The following CYSLTR2 variants were observed in gnomAD, a reference collection of about 807,000 sequenced individuals.
CYSLTR2 encodes the protein cysteinyl leukotriene receptor 2.
For missense variants in CYSLTR2, 398 were observed against 411.9 expected (o/e 0.97, Z 0.29); for synonymous variants, 179 against 160.8 (o/e 1.11, Z -0.86).
rs1954582103 is a variant in CYSLTR2, at chr13:48,709,333, G to A, written c.*1475G>A. 1 of 167,046 alleles carries A rather than the reference G, an allele frequency of 6.0e-6. No individual in the cohort carries two copies. The highest frequency in any genetic ancestry group is 2.1e-4 in the South Asian group (1 of 4,822). 10.3% of individuals were successfully genotyped at this position (167,046 alleles called of 1,614,324 possible). ...AGGTGATATGGCATTCTGAAAGTAG[G>A]GAGGGACTAAGTCAGTCATCATACT... On this transcript the variant is annotated 3_prime_UTR_variant, in exon 5 of 5. Coordinates refer to ENST00000682523, the MANE Select transcript of CYSLTR2 (RefSeq NM_001308476.3).
chr13:48,660,821 C>T (rs1207822204), intron 1 of CYSLTR2, among the ~76,000 whole-genome samples: 1 of 152,204 alleles, frequency 6.6e-6, no homozygotes, highest in Non-Finnish European at 1.5e-5. Flanking sequence ...CAAGAGTAAA[C>T]TCTCAGTGAT....
intron 4 of CYSLTR2, among the ~76,000 whole-genome samples, chr13:48,699,948 A>T (rs1954296672): frequency 6.6e-6 from 1 of 152,134 alleles, no homozygotes; most frequent in Non-Finnish European, 1.5e-5. Flanking sequence ...GGACACATAT[A>T]CCCTCCCAAG....
At chr13:48,680,418 C>T (rs573936011) in intron 1 of CYSLTR2, among the ~76,000 whole-genome samples, 3 of 152,316 alleles carry the variant, frequency 2.0e-5, no homozygotes, top group Admixed American at 1.3e-4. Flanking sequence ...TAAGCATCGA[C>T]GTAAGCTATT....
intron 1 of CYSLTR2, among the ~76,000 whole-genome samples, chr13:48,662,711 G>A (rs1953161649): frequency 6.6e-6 from 1 of 152,022 alleles, no homozygotes; most frequent in African/African-American, 2.4e-5. Flanking sequence ...ATATTTTGCT[G>A]TTGAGATGTT....
At chr13:48,701,815 A>T (rs1259735477) in intron 4 of CYSLTR2, among the ~76,000 whole-genome samples, 1 of 152,256 alleles carries the variant, frequency 6.6e-6, no homozygotes, top group Non-Finnish European at 1.5e-5. Context: ...TGTTGGTGGG[A>T]CTGTAAACTA....
intron 1 of CYSLTR2, among the ~76,000 whole-genome samples, chr13:48,689,036 G>T (rs1411581715): frequency 1.3e-5 from 2 of 152,130 alleles, no homozygotes. Context: ...TCATATGTTT[G>T]TTGGCCGCAT....
chr13:48,692,163 G>T (rs148355911), intron 2 of CYSLTR2, among the ~76,000 whole-genome samples: 461 of 151,998 alleles, frequency 3.0e-3, no homozygotes, highest in Non-Finnish European at 5.8e-3. Flanking sequence ...CTAGGGTCCA[G>T]AAATAATTAT....
At chr13:48,657,009 A>G (rs1243096369) in intron 1 of CYSLTR2, among the ~76,000 whole-genome samples, 7 of 152,242 alleles carry the variant, frequency 4.6e-5, no homozygotes. Flanking sequence ...ACTTATGTAC[A>G]GTATGTTCTA....
chr13:48,700,187 G>C (rs1954302326), intron 4 of CYSLTR2, among the ~76,000 whole-genome samples: 2 of 152,202 alleles, frequency 1.3e-5, no homozygotes, highest in South Asian at 4.1e-4. Context: ...ACATCATCCT[G>C]ATACCAAAGC....
At position 48,707,812 on chromosome 13, in the gene CYSLTR2, G is replaced by A; in HGVS notation, c.995G>A (p.Cys332Tyr). The A allele has an allele frequency of 3.9e-6, 6 of 1,547,888 alleles. No homozygotes were observed. In the Middle Eastern group the frequency reaches 7.0e-4, roughly 180 times the overall value. Residue 332 changes from cysteine to tyrosine, a missense_variant, in exon 5 of 5, where the codon TGT (cysteine) becomes TAT (tyrosine). Cys to Tyr is a radical substitution (Grantham distance 194). Transcript: ENST00000682523. ...CATCCACAGAAGGCAAAGACAAAGT[G>A]TGTTTTCCCTGTTAGTGTGTGGTTG... is the stretch of plus-strand genomic sequence containing the variant. ...KGHPQKAKTKCVFPVSVWLRK... is the reference protein window; with the variant it reads ...KGHPQKAKTKYVFPVSVWLRK...
chr13:48,686,709 A>G (rs1953901532), intron 1 of CYSLTR2, among the ~76,000 whole-genome samples: 1 of 152,218 alleles, frequency 6.6e-6, no homozygotes. Context: ...ATTTAAGGCT[A>G]TGTTATTATC....
chr13:48,686,471 C>G lies in CYSLTR2; in HGVS notation c.-265-4741C>G, dbSNP rs191456859. Among the ~76,000 whole-genome samples, 61 of 152,256 alleles carry G rather than the reference C, an allele frequency of 4.0e-4. 1 individual carries two copies. The Middle Eastern group carries it at 0.014, about 34-fold the overall frequency. On this transcript the variant is annotated intron_variant, in intron 1 of 4. Transcript: ENST00000682523. ...AATTTGAGGATAAGATTCCAGGAAG[C>G]AGGACTTTGCAGAAGCAAAAGTGGT...
chr13:48,705,978 TTTTTG>T (rs1383461583), intron 4 of CYSLTR2, among the ~76,000 whole-genome samples: 1 of 150,638 alleles, frequency 6.6e-6, no homozygotes, highest in African/African-American at 2.4e-5. Flanking sequence ...GTTTGTTTGT[TTTTTG>T]TTTTGTTTTG....
chr13:48,700,976 A>T (rs1954327441), intron 4 of CYSLTR2, among the ~76,000 whole-genome samples: 3 of 152,234 alleles, frequency 2.0e-5, no homozygotes, highest in African/African-American at 7.2e-5. Flanking sequence ...TTCAAGGAGA[A>T]CTACAAACCA....
At chr13:48,666,031 TATCATCTTTTCACTTCC>T (rs1191465474) in intron 1 of CYSLTR2, among the ~76,000 whole-genome samples, 3 of 152,174 alleles carry the variant, frequency 2.0e-5, no homozygotes, top group African/African-American at 7.2e-5. Context: ...TGAAAATGGT[TATCATCTTTTCACTTCC>T]AGATATGACT....
intron 4 of CYSLTR2, among the ~76,000 whole-genome samples, chr13:48,702,074 T>C (rs758803146): frequency 2.6e-5 from 4 of 152,014 alleles, no homozygotes; most frequent in East Asian, 1.9e-4. Flanking sequence ...TGGAATACTA[T>C]GCAGCCATAA....
chr13:48,703,827 G>A (rs1236183979), intron 4 of CYSLTR2, among the ~76,000 whole-genome samples: 1 of 152,016 alleles, frequency 6.6e-6, no homozygotes, highest in East Asian at 1.9e-4. Context: ...TTAAATAGTT[G>A]GCAGAATTCT....
chr13:48,705,999 G>GTT (rs35132729), intron 4 of CYSLTR2, among the ~76,000 whole-genome samples: 2 of 137,522 alleles, frequency 1.5e-5, no homozygotes, highest in Non-Finnish European at 3.1e-5. Context: ...TTTTGTTGTT[G>GTT]TTTTTTTTTT....
intron 4 of CYSLTR2, among the ~76,000 whole-genome samples, chr13:48,700,718 A>G (rs190921515): frequency 6.6e-6 from 1 of 152,322 alleles, no homozygotes; most frequent in East Asian, 1.9e-4. Flanking sequence ...GAAAAGAGGA[A>G]GTCAAATTGT....
Sources: gnomAD v4.1 joint callset for allele counts (sites outside exome capture counted in the v4.1 genomes callset) on GRCh38, gnomAD v4.1.1 for gene constraint, MANE v1.5 for transcripts, NCBI Gene and HGNC (gene_info 2026-07-23, HGNC 2026-07-21) for gene names.